EVC: variants seen among roughly 807,000 people sequenced by gnomAD.
The protein encoded by EVC is evC complex member EVC.
In EVC, 116 loss-of-function variants were observed where a neutral mutation model predicts 118.9. The ratio of observed to expected loss-of-function variants is 0.98; its 90% CI spans 0.84 to 1.14. The LOEUF (loss-of-function observed/expected upper bound fraction) is 1.14, where lower values mean the gene tolerates loss of function less well. Ranked by LOEUF, EVC falls within the 50% of genes most tolerant of loss-of-function variation. The pLI is 0.00. For missense variants in EVC, 1,401 were observed against 1,246.4 expected, an observed-to-expected ratio of 1.12 and a Z score of -1.87; for synonymous variants, 619 against 534.7, an observed-to-expected ratio of 1.16 and a Z score of -2.18.
rs1447653524 is a variant in EVC, at chr4:5,741,815, G to T, written c.801+1G>T. 7.0e-7 allele frequency: 1 copy of T among 1,422,962 alleles called. No individual in the cohort carries two copies. The highest frequency in any genetic ancestry group is 9.9e-7 in the Non-Finnish European group (1 of 1,008,208). 88.1% of individuals were successfully genotyped at this position (1,422,962 alleles called of 1,614,324 possible). A position where few individuals can be genotyped will look rare whatever the true frequency, so the allele number is the denominator to read the frequency against. On this transcript the variant is annotated splice_donor_variant, in intron 6 of 20. Transcript: ENST00000264956. LOFTEE classifies it high-confidence loss of function. ...GAAGATCCTTTCAAAACAAGAAAAA[G>T]TAAGTCTTCAACCTATGTTTCAAGG...
At chr4:5,782,628 A>G (rs1179103419) in intron 11 of EVC, among the ~76,000 whole-genome samples, 1 of 141,866 alleles carries the variant, frequency 7.0e-6, no homozygotes, top group African/African-American at 2.6e-5. Context: ...TTTGTTTTTC[A>G]TGATTTTTAG....
chr4:5,816,537 C>G (rs1717700855), downstream of EVC, among the ~76,000 whole-genome samples: 1 of 152,042 alleles, frequency 6.6e-6, no homozygotes, highest in Non-Finnish European at 1.5e-5. Flanking sequence ...GCACCAGAGT[C>G]TTGCCTCCCT....
downstream of EVC, among the ~76,000 whole-genome samples, chr4:5,817,733 C>G (rs145910366): frequency 6.6e-6 from 1 of 152,172 alleles, no homozygotes; most frequent in African/African-American, 2.4e-5. Flanking sequence ...TACGCACTTA[C>G]GTCAGAAGAG....
At chr4:5,758,929 G>A (rs1731587233) in intron 11 of EVC, among the ~76,000 whole-genome samples, 1 of 152,204 alleles carries the variant, frequency 6.6e-6, no homozygotes, top group African/African-American at 2.4e-5. Flanking sequence ...GTTAGGTGCA[G>A]AATAGACAGG....
At chr4:5,717,120 T>C (rs6828739) in intron 1 of EVC, among the ~76,000 whole-genome samples, 126,322 of 152,060 alleles carry the variant, frequency 0.83, 52,788 homozygotes, top group African/African-American at 0.92. Flanking sequence ...TGAATTGGGC[T>C]TCCAATCTTA....
At chr4:5,781,834 C>G (rs796132615) in intron 11 of EVC, among the ~76,000 whole-genome samples, 8 of 152,040 alleles carry the variant, frequency 5.3e-5, no homozygotes, top group African/African-American at 1.9e-4. Context: ...TGTCTCAAAA[C>G]AAAACAAAAA....
chr4:5,734,136 G>A (rs932348191), intron 5 of EVC, among the ~76,000 whole-genome samples: 7 of 152,142 alleles, frequency 4.6e-5, no homozygotes, highest in Non-Finnish European at 7.3e-5. Context: ...CACTTTAGCC[G>A]CAGAACCCCG....
At chr4:5,825,981 C>G in the EVC span, 1 of 389,212 alleles carries the variant, frequency 2.6e-6, no homozygotes, top group Non-Finnish European at 4.6e-6. This position sits in a 1 kb window ranked among gnomAD's most constrained non-coding sequence, Gnocchi z 4.4. Flanking sequence ...CAAAACAGGC[C>G]TACACAGTAG....
intron 5 of EVC, among the ~76,000 whole-genome samples, chr4:5,735,418 C>T (rs566802844): frequency 6.6e-6 from 1 of 152,278 alleles, no homozygotes; most frequent in South Asian, 2.1e-4. Context: ...GTTGCTTCAC[C>T]TCTCTGGGCC....
In EVC at chr4:5,781,836, A is replaced by G. The variant is rs1735644241; in HGVS notation, c.1564-1716A>G. ...CAGAGGGAGATCCTGTCTCAAAACAAAACAAAAAGCATCTGCACAATGAAA... is the reference window on the plus strand; with the variant it reads ...CAGAGGGAGATCCTGTCTCAAAACAGAACAAAAAGCATCTGCACAATGAAA... On this transcript the variant is annotated intron_variant, in intron 11 of 20. Coordinates refer to ENST00000264956, the MANE Select transcript of EVC (RefSeq NM_153717.3). 1.3e-5 allele frequency among the ~76,000 whole-genome samples: 2 copies of G among 152,114 alleles called. 1 individual carries two copies. The highest frequency in any genetic ancestry group is 1.3e-4 in the Admixed American group (2 of 15,252).
intron 11 of EVC, among the ~76,000 whole-genome samples, chr4:5,759,899 G>A (rs1469643263): frequency 6.6e-6 from 1 of 152,194 alleles, no homozygotes; most frequent in African/African-American, 2.4e-5. Flanking sequence ...TACATTTTAG[G>A]GAGACAGGAG....
intron 13 of EVC, among the ~76,000 whole-genome samples, chr4:5,794,269 TTA>T (rs1396711697): frequency 1.0e-4 from 14 of 137,268 alleles, no homozygotes; most frequent in Non-Finnish European, 2.0e-4. Flanking sequence ...ATTTATATAT[TTA>T]TATATATTTA....
intron 2 of EVC, among the ~76,000 whole-genome samples, chr4:5,722,433 G>C (rs1725111902): frequency 6.6e-6 from 1 of 152,182 alleles, no homozygotes; most frequent in African/African-American, 2.4e-5. Context: ...GCTTTCTGCA[G>C]ACTGAGCTTG....
chr4:5,790,402 T>G (rs549233677), intron 12 of EVC, among the ~76,000 whole-genome samples: 86 of 152,236 alleles, frequency 5.6e-4, no homozygotes, highest in African/African-American at 1.8e-3. Context: ...AGTGCTTCTG[T>G]CCAGGCCTCT....
Position 5,733,351 on chromosome 4 carries a change from T to G in EVC, c.618T>G (p.Ser206Arg). The change falls in exon 5 of 21, where the codon AGT (serine) becomes AGG (arginine). Residue 206 changes from serine (S) to arginine (R), a missense_variant and splice_region_variant. Physicochemically the swap from Ser to Arg is moderately radical, Grantham distance 110. Transcript: ENST00000264956. The stretch of plus-strand genomic sequence containing the variant: ...TTCCGCTTCTCATTTTATTTTGCAG[T>G]GTAGACGTTGACCTGTGTATCTACA... Reference protein sequence around the residue: ...NAFPEVLACESVDVDLCIYSL... With the variant: ...NAFPEVLACERVDVDLCIYSL... 3.7e-6 allele frequency: 6 copies of G among 1,613,448 alleles called. No individual in the cohort carries two copies. Among genetic ancestry groups the G allele is most frequent in the Non-Finnish European group, 5.1e-6 (6 of 1,179,414 alleles).
the EVC span, among the ~76,000 whole-genome samples, chr4:5,823,893 C>T: frequency 1.3e-5 from 2 of 152,158 alleles, no homozygotes; most frequent in Non-Finnish European, 2.9e-5. Context: ...ACGTAACATA[C>T]GCAGATATTA....
chr4:5,801,849 A>C (rs765444824), intron 15 of EVC, 101 bp from the exon 16 acceptor site: 51 of 1,370,234 alleles, frequency 3.7e-5, no homozygotes, highest in Non-Finnish European at 5.0e-5. Flanking sequence ...GAGTAGGTGG[A>C]AGATCTGAAC....
In EVC at chr4:5,731,448, C is replaced by T; in HGVS notation, c.408C>T (p.Asn136=). 6.2e-7 allele frequency: 1 copy of T among 1,613,580 alleles called. No homozygotes were observed. Among genetic ancestry groups the T allele is most frequent in the Non-Finnish European group, 8.5e-7 (1 of 1,179,950 alleles). The change falls in exon 4 of 21, where the codon AAC becomes AAT. Residue 136 remains asparagine, a synonymous_variant. Coordinates refer to ENST00000264956, the MANE Select transcript of EVC (RefSeq NM_153717.3). The surrounding 1 kb of genome is among the most constrained non-coding windows in gnomAD (Gnocchi z 5.6). ...AGCCTCTGGCCGATGGCTCCTCCAA[C>T]CCGTCTCTGCATGAAAACTTAAAGC... ...KFRPLADGSS[N]PSLHENLKQA...
chr4:5,828,963 G>C, the EVC span, among the ~76,000 whole-genome samples: 9 of 152,098 alleles, frequency 5.9e-5, no homozygotes, highest in African/African-American at 2.2e-4. Flanking sequence ...TGGCTGCTTT[G>C]ACTGTACTGG....
Sources: allele counts gnomAD v4.1 joint callset (sites outside exome capture counted in the v4.1 genomes callset), GRCh38; gene constraint gnomAD v4.1.1; non-coding constraint Gnocchi (gnomAD v3.1); transcripts MANE v1.5; gene names NCBI Gene and HGNC (gene_info 2026-07-23, HGNC 2026-07-21).